The following AGAP3 variants were observed in gnomAD, a reference collection of about 807,000 sequenced individuals.
AGAP3 encodes ArfGAP with GTPase domain, ankyrin repeat and PH domain 3, also known as arf-GAP with GTPase, ANK repeat and PH domain-containing protein 3.
In AGAP3, 24 loss-of-function variants were observed where a neutral mutation model predicts 96.9. The ratio of observed to expected loss-of-function variants is 0.25; its 90% CI spans 0.18 to 0.35. The LOEUF (loss-of-function observed/expected upper bound fraction) is 0.35, where lower values mean the gene tolerates loss of function less well. Among genes scored for constraint, AGAP3 ranks in the 10% least tolerant of loss-of-function variants. The probability of loss-of-function intolerance (pLI) is 1.00; values close to 1 mark genes in which losing one functional copy is unlikely to be tolerated. For missense variants in AGAP3, 876 were observed against 1,254.2 expected (o/e 0.70, Z 4.55); for synonymous variants, 563 against 536.1 (o/e 1.05, Z -0.69).
chr7:151,114,503 G>T lies in AGAP3; in HGVS notation c.332-2290G>T, dbSNP rs1416187015. Among the ~76,000 whole-genome samples the T allele has an allele frequency of 6.6e-6, 1 of 152,220 alleles. No homozygotes were observed. The highest frequency in any genetic ancestry group is 1.5e-5 in the Non-Finnish European group (1 of 68,026). On this transcript the variant is annotated intron_variant, in intron 1 of 17. Transcript: ENST00000397238. This position sits in a 1 kb window ranked among gnomAD's most constrained non-coding sequence, Gnocchi z 4.4. ...TTCCTGTTTTCGAGGGCTCCCAGGG[G>T]CTGCCCCAGCAGGCCGGCTCCCCCG...
chr7:151,102,246 T>A (rs1798859849), intron 1 of AGAP3, among the ~76,000 whole-genome samples: 1 of 152,208 alleles, frequency 6.6e-6, no homozygotes, highest in Admixed American at 6.5e-5. Context: ...AGAGCTCCGG[T>A]GAGCCTGCAG....
At chr7:151,123,588 C>G in intron 8 of AGAP3, 2 of 1,397,844 alleles carry the variant, frequency 1.4e-6, no homozygotes, top group Non-Finnish European at 1.9e-6. Context: ...GCTCAGTGAC[C>G]TGTGCTGCTC....
At chr7:151,102,021 A>C (rs1798851238) in intron 1 of AGAP3, among the ~76,000 whole-genome samples, 1 of 152,146 alleles carries the variant, frequency 6.6e-6, no homozygotes, top group African/African-American at 2.4e-5. Context: ...AATAAAGCAG[A>C]GGTGCAGATG....
Position 151,142,290 on chromosome 7 carries a change from G to A in AGAP3, c.2050+37G>A, listed in dbSNP as rs1800847397. On this transcript the variant is annotated intron_variant, in intron 15 of 17. Coordinates refer to ENST00000397238, the MANE Select transcript of AGAP3 (RefSeq NM_031946.7). This position sits in a 1 kb window ranked among gnomAD's most constrained non-coding sequence, Gnocchi z 7.5. ...GCTGGTGGGGCTGGGAGCTGGGGAT[G>A]GCCCAGGGAAAGCTTCGCAAGCATC... 6.2e-7 allele frequency: 1 copy of A among 1,608,070 alleles called. No homozygotes were observed.
chr7:151,109,557 G>T (rs185165754), intron 1 of AGAP3, among the ~76,000 whole-genome samples: 30 of 152,192 alleles, frequency 2.0e-4, no homozygotes, highest in Admixed American at 9.8e-4. Flanking sequence ...CTTTTATAAG[G>T]ACACGAGTCA....
intron 1 of AGAP3, among the ~76,000 whole-genome samples, chr7:151,089,561 G>T (rs923615973): frequency 6.6e-6 from 1 of 152,200 alleles, no homozygotes; most frequent in Non-Finnish European, 1.5e-5. Context: ...GGGACCTGCG[G>T]TCAGGATCCA....
intron 8 of AGAP3, among the ~76,000 whole-genome samples, chr7:151,122,504 C>CCCG (rs199902776): frequency 0.1 from 15,134 of 151,416 alleles, 1,613 homozygotes; most frequent in African/African-American, 0.27. Flanking sequence ...GCCGCTGCCG[C>CCCG]CCGCCGCCGC....
At chr7:151,128,404 G>C in intron 9 of AGAP3, 176 bp from the exon 10 acceptor site, 1 of 577,584 alleles carries the variant, frequency 1.7e-6, no homozygotes, top group Admixed American at 2.9e-5. Context: ...TCTGGGGAAG[G>C]ACTGGTCTAA....
Position 151,120,164 on chromosome 7 carries a change from C to T in AGAP3, c.1128+19C>T. The T allele has an allele frequency of 6.4e-7, 1 of 1,573,416 alleles. No individual in the cohort carries two copies. Among genetic ancestry groups the T allele is most frequent in the Non-Finnish European group, 8.7e-7 (1 of 1,155,592 alleles). ...CTTCACGGTACGTGACTGCCCTCCT[C>T]CCCCGCCCAGCTGCCTTTGCTGCAC... On this transcript the variant is annotated intron_variant, in intron 8 of 17. Transcript: ENST00000397238.
chr7:151,143,349 A>G lies in AGAP3; in HGVS notation c.2282A>G (p.Lys761Arg), dbSNP rs748799872. 41 of 1,610,884 alleles carry G rather than the reference A, an allele frequency of 2.5e-5. No individual in the cohort carries two copies. The highest frequency in any genetic ancestry group is 3.5e-5 in the Non-Finnish European group (41 of 1,177,926). The change falls in exon 17 of 18, where the codon AAG (lysine) becomes AGG (arginine). Residue 761 changes from lysine to arginine, a missense_variant. Lys to Arg is a conservative substitution (Grantham distance 26). This residue lies in a region of AGAP3 where 213 missense variants were observed against 253.8 expected (regional missense o/e 0.84). Coordinates refer to ENST00000397238, the MANE Select transcript of AGAP3 (RefSeq NM_031946.7). This position sits in a 1 kb window ranked among gnomAD's most constrained non-coding sequence, Gnocchi z 5.9. ...KPGPDACREE[K>R]ERWIRAKYEQ... ...TGGGCCTGTGGTTGCAGAGAGGAGAAGGAACGCTGGATACGGGCCAAGTAT... is the reference window on the plus strand; with the variant it reads ...TGGGCCTGTGGTTGCAGAGAGGAGAGGGAACGCTGGATACGGGCCAAGTAT...
chr7:151,090,236 T>TGGG (rs34304383), intron 1 of AGAP3: 1 of 116,728 alleles, frequency 8.6e-6, no homozygotes, highest in African/African-American at 2.9e-5. Flanking sequence ...AGTTCCCAGA[T>TGGG]GGGGGGGGGG....
intron 11 of AGAP3, among the ~76,000 whole-genome samples, chr7:151,136,830 G>C: frequency 6.6e-6 from 1 of 152,178 alleles, no homozygotes; most frequent in East Asian, 1.9e-4. Flanking sequence ...CAAGGTATCT[G>C]AGAAATGAGG....
At chr7:151,086,375 G>A (rs1798142264), upstream of AGAP3, among the ~76,000 whole-genome samples, 2 of 143,274 alleles carry the variant, frequency 1.4e-5, no homozygotes, top group African/African-American at 2.5e-5. Context: ...GGGGGCGGCG[G>A]GGAGGGGGGC....
chr7:151,089,878 G>A (rs546959207), intron 1 of AGAP3: 1 of 152,332 alleles, frequency 6.6e-6, no homozygotes, highest in South Asian at 2.1e-4. Flanking sequence ...TCACTAGTGG[G>A]GAAACTGAGG....
intron 10 of AGAP3, chr7:151,131,404 G>A (rs1377831093): frequency 1.3e-5 from 2 of 152,256 alleles, no homozygotes; most frequent in African/African-American, 4.8e-5. Flanking sequence ...AACGCTGGCT[G>A]GGTAATTAGC....
At position 151,109,481 on chromosome 7, in the gene AGAP3, C is replaced by T. The variant is rs147515950; in HGVS notation, c.332-7312C>T. On this transcript the variant is annotated intron_variant, in intron 1 of 17. Transcript: ENST00000397238. The stretch of plus-strand genomic sequence containing the variant: ...ACCTCTCTTCCTGGCTTGTCGATGC[C>T]GTCTTCTCCCTGCATCTCTTCACAT... 6.7e-3 allele frequency among the ~76,000 whole-genome samples: 1,020 copies of T among 152,274 alleles called. 19 individuals are homozygous for T. Among genetic ancestry groups the T allele is most frequent in the African/African-American group, 0.023 (971 of 41,532 alleles).
rs1267930927 is a variant in AGAP3, at chr7:151,142,669, G to C, written c.2273+35G>C. 3.8e-6 allele frequency: 6 copies of C among 1,597,664 alleles called. No individual in the cohort carries two copies. The highest frequency in any genetic ancestry group is 4.3e-6 in the Non-Finnish European group (5 of 1,172,258). On this transcript the variant is annotated intron_variant, in intron 16 of 17. Transcript: ENST00000397238. The surrounding 1 kb of genome is among the most constrained non-coding windows in gnomAD (Gnocchi z 7.5). ...TGGTGCCCTGGAGCTGGCCAGGAAT[G>C]GGGGAAGCGTTGGGGGCTCCCAGCA...
chr7:151,096,133 G>C lies in AGAP3; in HGVS notation c.331+9061G>C, dbSNP rs1413111993. 2.0e-5 allele frequency among the ~76,000 whole-genome samples: 3 copies of C among 152,246 alleles called. No homozygotes were observed. Among genetic ancestry groups the C allele is most frequent in the Non-Finnish European group, 4.4e-5 (3 of 68,042 alleles). ...GAGCTTTTAGAGCAGCAGCTGCCCT[G>C]AGGATGTGCGTGCTGGGTGGCGACT... On this transcript the variant is annotated intron_variant, in intron 1 of 17. Coordinates refer to ENST00000397238, the MANE Select transcript of AGAP3 (RefSeq NM_031946.7). The surrounding 1 kb of genome is among the most constrained non-coding windows in gnomAD (Gnocchi z 4.4).
chr7:151,118,588 T>G lies in AGAP3; in HGVS notation c.925T>G (p.Ser309Ala). Residue 309 changes from serine (S) to alanine (A), a missense_variant, in exon 7 of 18, where the codon TCG (serine) becomes GCG (alanine). Ser to Ala is a moderately conservative substitution (Grantham distance 99). Transcript: ENST00000397238. This position sits in a 1 kb window ranked among gnomAD's most constrained non-coding sequence, Gnocchi z 6.1. ...GTCACTGCCCAACTCGCCCAGCCAC[T>G]CGGCCGTGTCCGCCGCCTCCATCCC... The part of the protein sequence containing the change: ...CKSLPNSPSH[S>A]AVSAASIPAV... 1 of 1,613,974 alleles carries G rather than the reference T, an allele frequency of 6.2e-7. No homozygotes were observed. The highest frequency in any genetic ancestry group is 8.5e-7 in the Non-Finnish European group (1 of 1,180,002).
Sources: allele counts gnomAD v4.1 joint callset (sites outside exome capture counted in the v4.1 genomes callset), GRCh38; gene constraint gnomAD v4.1.1; regional missense constraint gnomAD v4.1.1; non-coding constraint Gnocchi (gnomAD v3.1); transcripts MANE v1.5; gene names NCBI Gene and HGNC (gene_info 2026-07-23, HGNC 2026-07-21).